Variants in CSRP2 observed in about 807,000 individuals in gnomAD.
The protein encoded by CSRP2 is cysteine and glycine-rich protein 2.
CSRP2 carries 18 observed loss-of-function variants against 24.6 expected under a neutral mutation model. The ratio of observed to expected loss-of-function variants is 0.73; its 90% CI spans 0.51 to 1.09. CSRP2 has a LOEUF of 1.09. Among genes scored for constraint, CSRP2 ranks in the 50% least tolerant of loss-of-function variants. The pLI is 0.00. For missense variants in CSRP2, 215 were observed against 239.4 expected (o/e 0.90, Z 0.67); for synonymous variants, 87 against 84.3 (o/e 1.03, Z -0.18).
chr12:76,876,070 G>A (rs1953849045), intron 1 of CSRP2, among the ~76,000 whole-genome samples: 1 of 152,218 alleles, frequency 6.6e-6, no homozygotes, highest in Admixed American at 6.5e-5. Flanking sequence ...TTCTTAAGCT[G>A]AGTAGTTCCT....
intron 2 of CSRP2, among the ~76,000 whole-genome samples, chr12:76,865,255 C>G (rs888820066): frequency 2.0e-5 from 3 of 152,152 alleles, no homozygotes; most frequent in Non-Finnish European, 4.4e-5. Flanking sequence ...TGTTTCCATA[C>G]TTTCTTGGTT....
chr12:76,868,394 G>A (rs1226108398), intron 1 of CSRP2, among the ~76,000 whole-genome samples: 4 of 151,758 alleles, frequency 2.6e-5, no homozygotes. Context: ...TCGCGTGCTG[G>A]TCTCATGATA....
chr12:76,865,397 A>G (rs1382973991), intron 2 of CSRP2, among the ~76,000 whole-genome samples: 1 of 152,160 alleles, frequency 6.6e-6, no homozygotes, highest in Non-Finnish European at 1.5e-5. Context: ...TGTAACTGCA[A>G]CTTTCTGTTG....
At chr12:76,876,750 C>T (rs1399790899) in intron 1 of CSRP2, among the ~76,000 whole-genome samples, 3 of 152,232 alleles carry the variant, frequency 2.0e-5, no homozygotes, top group Non-Finnish European at 4.4e-5. Context: ...GGCCTCCAGG[C>T]AAGGTCTAGG....
intron 1 of CSRP2, 56 bp from the exon 2 acceptor site, chr12:76,866,317 G>C: frequency 7.1e-7 from 1 of 1,408,002 alleles, no homozygotes; most frequent in Non-Finnish European, 1.0e-6. Flanking sequence ...CGGCTCCCTA[G>C]AGGGCTATTT....
At chr12:76,859,456 C>CTT (rs529262700) in intron 5 of CSRP2, 91 bp downstream of exon 5, 1,202 of 666,432 alleles carry the variant, frequency 1.8e-3, no homozygotes, top group South Asian at 4.9e-3. Context: ...GCATACTTTT[C>CTT]TTTTTTTTTT....
At chr12:76,875,368 C>A (rs539809435) in intron 1 of CSRP2, among the ~76,000 whole-genome samples, 2 of 152,188 alleles carry the variant, frequency 1.3e-5, no homozygotes, top group African/African-American at 4.8e-5. Flanking sequence ...TCTGCTACCA[C>A]TCGTGTCTTC....
intron 1 of CSRP2, among the ~76,000 whole-genome samples, chr12:76,875,080 C>T (rs1377516346): frequency 1.3e-5 from 2 of 152,166 alleles, no homozygotes; most frequent in Admixed American, 6.5e-5. Context: ...AGGCACAGAA[C>T]ATTAAGGGTT....
At chr12:76,866,314 C>G in intron 1 of CSRP2, 53 bp from the exon 2 acceptor site, 1 of 1,414,084 alleles carries the variant, frequency 7.1e-7, no homozygotes, top group Non-Finnish European at 9.9e-7. Context: ...GTACGGCTCC[C>G]TAGAGGGCTA....
chr12:76,859,925 T>C (rs1459758246), intron 4 of CSRP2, among the ~76,000 whole-genome samples: 2 of 152,174 alleles, frequency 1.3e-5, no homozygotes, highest in Non-Finnish European at 2.9e-5. Flanking sequence ...CTCAAAGAGG[T>C]TAGCTGGTAA....
At chr12:76,864,814 G>C (rs1456054671) in intron 2 of CSRP2, 1 of 152,170 alleles carries the variant, frequency 6.6e-6, no homozygotes, top group Non-Finnish European at 1.5e-5. Context: ...AGGCTCAAGT[G>C]CTGAAATACA....
At chr12:76,866,456 G>C (rs952201878) in intron 1 of CSRP2, among the ~76,000 whole-genome samples, 195 bp from the exon 2 acceptor site, 1 of 141,370 alleles carries the variant, frequency 7.1e-6, no homozygotes, top group Admixed American at 7.5e-5. Context: ...TAGGAAACTG[G>C]CTTGTCGTGC....
chr12:76,860,496 G>T, intron 3 of CSRP2, 83 bp from the exon 4 acceptor site: 1 of 1,506,448 alleles, frequency 6.6e-7, no homozygotes. Context: ...ATAGAACTCT[G>T]GGACTTAACC....
intron 2 of CSRP2, chr12:76,863,692 T>C: frequency 5.4e-6 from 1 of 184,012 alleles, no homozygotes; most frequent in East Asian, 1.5e-4. Context: ...GGAGATCATA[T>C]TAAGGGAGAA....
intron 1 of CSRP2, among the ~76,000 whole-genome samples, chr12:76,875,042 A>G (rs1953840048): frequency 6.6e-6 from 1 of 152,184 alleles, no homozygotes; most frequent in Non-Finnish European, 1.5e-5. Flanking sequence ...CAGAACCACA[A>G]GCTTTCCTCA....
At chr12:76,861,822 C>T (rs1005863373) in intron 3 of CSRP2, 3 of 152,158 alleles carry the variant, frequency 2.0e-5, no homozygotes, top group African/African-American at 7.2e-5. Flanking sequence ...CTCAGAGTTA[C>T]TCTAAGGATT....
intron 1 of CSRP2, among the ~76,000 whole-genome samples, chr12:76,870,644 G>A (rs1953786957): frequency 6.6e-6 from 1 of 152,032 alleles, no homozygotes; most frequent in Admixed American, 6.5e-5. Context: ...TTCTGTGATA[G>A]AGGGAAATGA....
intron 1 of CSRP2, among the ~76,000 whole-genome samples, chr12:76,871,635 G>A (rs1323904512): frequency 6.6e-6 from 1 of 151,968 alleles, no homozygotes; most frequent in South Asian, 2.1e-4. Context: ...GCGGTGGCAG[G>A]TGCCTGTAGT....
chr12:76,869,252 G>A (rs2137831638), intron 1 of CSRP2, among the ~76,000 whole-genome samples: 1 of 152,192 alleles, frequency 6.6e-6, no homozygotes, highest in African/African-American at 2.4e-5. Context: ...TTTTATGGTG[G>A]TACTAATCCA....
Sources: gnomAD v4.1 joint callset for allele counts (sites outside exome capture counted in the v4.1 genomes callset) on GRCh38, gnomAD v4.1.1 for gene constraint, MANE v1.5 for transcripts, NCBI Gene and HGNC (gene_info 2026-07-23, HGNC 2026-07-21) for gene names.